Variants in ALAS1 observed in about 807,000 individuals in gnomAD.
The protein encoded by ALAS1 is 5'-aminolevulinate synthase 1.
ALAS1 carries 29 observed loss-of-function variants against 59.6 expected under a neutral mutation model. The ratio of observed to expected loss-of-function variants is 0.49; its 90% confidence interval spans 0.36 to 0.66. The LOEUF (loss-of-function observed/expected upper bound fraction) is 0.66. Among genes scored for constraint, ALAS1 ranks in the 30% least tolerant of loss-of-function variants. The pLI is 0.00. For synonymous variants in ALAS1, 299 were observed against 296.6 expected (o/e 1.01, Z -0.08); for missense variants, 690 against 807.5 (o/e 0.85, Z 1.76).
intron 6 of ALAS1, 99 bp from the exon 7 acceptor site, chr3:52,205,740 A>T: frequency 8.5e-7 from 1 of 1,181,200 alleles, no homozygotes; most frequent in Non-Finnish European, 1.2e-6. Context: ...TGCTACATCA[A>T]CATGTTTCAG....
chr3:52,213,930 C>A (rs1350087517), intron 11 of ALAS1, 90 bp from the exon 12 acceptor site: 2 of 1,213,772 alleles, frequency 1.6e-6, no homozygotes, highest in Non-Finnish European at 2.3e-6. Context: ...CTGCTATGAA[C>A]ATTTGTGTAC....
chr3:52,199,472 T>G (rs1400406693), intron 3 of ALAS1, 32 bp downstream of exon 3: 1 of 1,597,918 alleles, frequency 6.3e-7, no homozygotes, highest in South Asian at 1.1e-5. Flanking sequence ...GGAGCAGGTA[T>G]GGGTGTTTGT....
chr3:52,198,130 G>C (rs1046254329), upstream of ALAS1: 5 of 398,204 alleles, frequency 1.3e-5, no homozygotes, highest in Admixed American at 4.4e-5. Context: ...CACTCCCGCT[G>C]TATATTAAGG....
At chr3:52,205,007 C>G (rs1699265018) in intron 6 of ALAS1, 92 bp downstream of exon 6, 11 of 1,085,912 alleles carry the variant, frequency 1.0e-5, no homozygotes, top group Non-Finnish European at 1.5e-5. Context: ...AGGGAACATT[C>G]AGTAGCTGAA....
intron 7 of ALAS1, 81 bp downstream of exon 7, chr3:52,206,104 AC>A: frequency 1.6e-6 from 2 of 1,283,124 alleles, no homozygotes; most frequent in Non-Finnish European, 2.2e-6. Context: ...AAGAAGCCTT[AC>A]CAGAACCTCT....
chr3:52,206,854 T>C, intron 8 of ALAS1, 103 bp downstream of exon 8: 1 of 1,202,752 alleles, frequency 8.3e-7, no homozygotes, highest in Non-Finnish European at 1.2e-6. Context: ...TTTTTTTTTG[T>C]GACCGATCCT....
In ALAS1 at chr3:52,211,676, G is replaced by A. The variant is rs953265427; in HGVS notation, c.1599+125G>A. 6 of 1,352,584 alleles carry A rather than the reference G, an allele frequency of 4.4e-6. No homozygotes were observed. The Admixed American group carries it at 5.8e-5, about 13-fold the overall frequency. 83.8% of individuals were successfully genotyped at this position (1,352,584 alleles called of 1,614,324 possible). A position where few individuals can be genotyped will look rare whatever the true frequency, so the allele number is the denominator to read the frequency against. On this transcript the variant is annotated intron_variant, in intron 10 of 11. Transcript: ENST00000484952. ...GGTGACTGCCAGGGCAGGGGTTGTA[G>A]CCAGCCACCCTCTGTCATGTTTCCG... is the stretch of plus-strand genomic sequence containing the variant.
At chr3:52,202,800 G>C in intron 4 of ALAS1, 66 bp downstream of exon 4, 1 of 1,469,728 alleles carries the variant, frequency 6.8e-7, no homozygotes, top group African/African-American at 1.4e-5. Flanking sequence ...TGGGCCCTCA[G>C]ATTTGTGTAT....
In ALAS1 at chr3:52,199,209, G is replaced by C; in HGVS notation, c.-32-1G>C. The C allele has an allele frequency of 6.2e-7, 1 of 1,614,040 alleles. No individual in the cohort carries two copies. Among genetic ancestry groups the C allele is most frequent in the South Asian group, 1.1e-5 (1 of 91,064 alleles). ...CAACTGTTGATGTCACTCTTCATCA[G>C]TCTTTCCACAGGAGCCAGCATACTT... On this transcript the variant is annotated splice_acceptor_variant, in intron 2 of 11. Transcript: ENST00000484952. LOFTEE classifies it low-confidence loss of function (5UTR_SPLICE).
Position 52,214,319 on chromosome 3 carries a change from T to G in ALAS1, c.*139T>G. 1 of 817,896 alleles carries G rather than the reference T, an allele frequency of 1.2e-6. No homozygotes were observed. Among genetic ancestry groups the G allele is most frequent in the Non-Finnish European group, 1.8e-6 (1 of 558,788 alleles). 50.7% of individuals were successfully genotyped at this position (817,896 alleles called of 1,614,324 possible). ...ATAGTCCTGGAAATAAATTCTTGCTTAAATGGTGGTTCTTTCTGCTATTGG... is the reference window on the plus strand; with the variant it reads ...ATAGTCCTGGAAATAAATTCTTGCTGAAATGGTGGTTCTTTCTGCTATTGG... On this transcript the variant is annotated 3_prime_UTR_variant, in exon 12 of 12. Transcript: ENST00000484952.
chr3:52,198,310 G>A (rs756800144), intron 1 of ALAS1, 55 bp downstream of exon 1: 221 of 406,008 alleles, frequency 5.4e-4, no homozygotes, highest in Non-Finnish European at 8.2e-4. Flanking sequence ...GGGGTGTCCT[G>A]CCAGCCGTGG....
chr3:52,203,832 T>C (rs1360628567), intron 4 of ALAS1, 31 bp from the exon 5 acceptor site: 1 of 1,552,212 alleles, frequency 6.4e-7, no homozygotes, highest in Admixed American at 2.1e-5. Context: ...AGAAAGTTGG[T>C]CCCATTTGTT....
rs549197744 is a variant in ALAS1 at position 52,205,061 on chromosome 3, C to G, written c.800+146C>G. 3.2e-5 allele frequency: 23 copies of G among 709,848 alleles called. 2 individuals are homozygous for G. In the South Asian group the frequency reaches 4.3e-4, roughly 13 times the overall value. The allele number at this position is 709,848 out of a possible 1,614,324, so 44.0% of individuals were successfully genotyped here. A position where few individuals can be genotyped will look rare whatever the true frequency, so the allele number is the denominator to read the frequency against. The stretch of plus-strand genomic sequence containing the variant: ...ACTATTCTTAGCTTCTGAAAAATAT[C>G]TACAGATTACTTTTAAAGGAACTCT... On this transcript the variant is annotated intron_variant, in intron 6 of 11. Coordinates refer to ENST00000484952, the MANE Select transcript of ALAS1 (RefSeq NM_000688.6).
At position 52,198,169 on chromosome 3, in the gene ALAS1, C is replaced by T. The variant is rs709315; in HGVS notation, c.-296C>T. On this transcript the variant is annotated 5_prime_UTR_variant, in exon 1 of 12. Coordinates refer to ENST00000484952, the MANE Select transcript of ALAS1 (RefSeq NM_000688.6). ...CGGCGATCGCGGCCTGAGGCTGCTC[C>T]CGGACAAGGGCAACGAGCGTTTCGT... The T allele has an allele frequency of 0.012, 4,910 of 398,578 alleles. 60 individuals are homozygous for T. The highest frequency in any genetic ancestry group is 0.049 in the South Asian group (389 of 7,972). The allele number at this position is 398,578 out of a possible 1,614,324, so 24.7% of individuals were successfully genotyped here.
chr3:52,198,473 C>G (rs1256546840), intron 1 of ALAS1, among the ~76,000 whole-genome samples, 199 bp from the exon 2 acceptor site: 1 of 152,234 alleles, frequency 6.6e-6, no homozygotes, highest in Admixed American at 6.5e-5. Flanking sequence ...GAACCCGCCG[C>G]TTTAGAATTC....
At chr3:52,198,108 A>G, upstream of ALAS1, 1 of 397,824 alleles carries the variant, frequency 2.5e-6, no homozygotes, top group Non-Finnish European at 4.4e-6. Context: ...CCCAAGGCGC[A>G]TGCGCAGCGG....
intron 6 of ALAS1, 118 bp from the exon 7 acceptor site, chr3:52,205,721 T>G: frequency 1.0e-5 from 10 of 978,200 alleles, no homozygotes; most frequent in South Asian, 1.8e-5. Flanking sequence ...GGTTTCACAG[T>G]GAGAGAGTTG....
intron 8 of ALAS1, 24 bp downstream of exon 8, chr3:52,206,775 TGAAACCTAAGATGAAAAA>T: frequency 6.2e-7 from 1 of 1,605,038 alleles, no homozygotes. Flanking sequence ...GAGGTTCCTC[TGAAACCTAAGATGAAAAA>T]CTATGCCTGA....
chr3:52,212,860 T>C (rs929311658), intron 11 of ALAS1, among the ~76,000 whole-genome samples: 4 of 152,172 alleles, frequency 2.6e-5, no homozygotes, highest in African/African-American at 9.7e-5. Flanking sequence ...TAACTAAGCA[T>C]GCCCTCAAAT....
Sources: gnomAD v4.1 joint callset for allele counts (sites outside exome capture counted in the v4.1 genomes callset) on GRCh38, gnomAD v4.1.1 for gene constraint, MANE v1.5 for transcripts, NCBI Gene and HGNC (gene_info 2026-07-23, HGNC 2026-07-21) for gene names.